SRGAP3: variants seen among roughly 807,000 people sequenced by gnomAD.
SRGAP3 encodes SLIT-ROBO Rho GTPase activating protein 3, also known as SLIT-ROBO Rho GTPase-activating protein 3.
In SRGAP3, 39 loss-of-function variants were observed where a neutral mutation model predicts 121.1. That is an observed-to-expected ratio of 0.32 (90% CI 0.25 to 0.42). The LOEUF is 0.42. SRGAP3 is among the 10% of genes least tolerant of loss of function. SRGAP3 has a pLI of 1.00. For missense variants in SRGAP3, 1,213 were observed against 1,470.6 expected, an observed-to-expected ratio of 0.82 and a Z score of 2.86; for synonymous variants, 601 against 570.0, an observed-to-expected ratio of 1.05 and a Z score of -0.77.
In SRGAP3 at chr3:9,303,055, C is replaced by A. The variant is rs559182493; in HGVS notation, n.442+22955G>T. On this transcript the variant is annotated intron_variant and non_coding_transcript_variant, in intron 3 of 3. Transcript: ENST00000490889. ...TTCTGAGCACTCTGACAAGCTGTAA[C>A]ACTGCCTCGATTTTTTCTTACTTAT... Among the ~76,000 whole-genome samples, 6 of 151,818 alleles carry A rather than the reference C, an allele frequency of 4.0e-5. No individual in the cohort carries two copies. The East Asian group carries it at 9.6e-4, about 24-fold the overall frequency.
intron 4 of SRGAP3, among the ~76,000 whole-genome samples, chr3:9,072,905 C>A (rs1946787629): frequency 6.6e-6 from 1 of 152,162 alleles, no homozygotes; most frequent in African/African-American, 2.4e-5. Flanking sequence ...TGTTCTTCAC[C>A]CCTTTCAGCT....
intron 1 of SRGAP3, among the ~76,000 whole-genome samples, chr3:9,230,223 G>GATGA: frequency 6.6e-6 from 1 of 152,330 alleles, no homozygotes; most frequent in Admixed American, 6.5e-5. Flanking sequence ...TATTACAGAT[G>GATGA]ATGACAGTGA....
chr3:9,300,753 T>C (rs1315584826), intron 3 of SRGAP3, among the ~76,000 whole-genome samples: 2 of 151,786 alleles, frequency 1.3e-5, no homozygotes, highest in African/African-American at 4.8e-5. Context: ...TGCAACAGAG[T>C]GGGAGAAGGA....
At chr3:9,267,653 A>C (rs1277110090) in intron 3 of SRGAP3, among the ~76,000 whole-genome samples, 3 of 152,124 alleles carry the variant, frequency 2.0e-5, no homozygotes, top group Admixed American at 6.6e-5. Context: ...CACCTCTGGG[A>C]ACTGCCAGTC....
intron 1 of SRGAP3, among the ~76,000 whole-genome samples, chr3:9,177,853 G>C (rs1321648107): frequency 6.6e-6 from 1 of 152,156 alleles, no homozygotes; most frequent in African/African-American, 2.4e-5. Context: ...GCATCTCCTG[G>C]CCATAGGGAT....
Position 8,981,237 on chromosome 3 carries a change from G to A in SRGAP3, c.*4282C>T, listed in dbSNP as rs374689571. The stretch of plus-strand genomic sequence containing the variant: ...AGAGGAGAGGAGACCCCAGAGAACC[G>A]GGGAAGTTGACATGAAATGTCAGCA... On this transcript the variant is annotated 3_prime_UTR_variant, in exon 22 of 22. Coordinates refer to ENST00000383836, the MANE Select transcript of SRGAP3 (RefSeq NM_014850.4). The A allele has an allele frequency of 6.1e-4, 143 of 232,724 alleles. 2 individuals carry two copies. In the East Asian group the frequency reaches 7.0e-3, roughly 11 times the overall value. 14.4% of individuals were successfully genotyped at this position (232,724 alleles called of 1,614,324 possible). A position where few individuals can be genotyped will look rare whatever the true frequency, so the allele number is the denominator to read the frequency against.
intron 1 of SRGAP3, among the ~76,000 whole-genome samples, chr3:9,185,853 C>T (rs1041208856): frequency 1.3e-5 from 2 of 151,972 alleles, no homozygotes; most frequent in Non-Finnish European, 2.9e-5. Flanking sequence ...TCTTGATGTA[C>T]GAGATTAGAG....
At chr3:9,093,516 T>C (rs1947841436) in intron 3 of SRGAP3, among the ~76,000 whole-genome samples, 1 of 152,068 alleles carries the variant, frequency 6.6e-6, no homozygotes, top group South Asian at 2.1e-4. Context: ...CATCCGTTCA[T>C]TCATCCATCC....
chr3:9,078,610 C>T (rs1437962015), intron 4 of SRGAP3, among the ~76,000 whole-genome samples: 2 of 152,102 alleles, frequency 1.3e-5, no homozygotes, highest in Non-Finnish European at 2.9e-5. Context: ...AGGATCTCCT[C>T]GAATTCTCAC....
At chr3:9,268,019 G>A (rs1229716120) in intron 3 of SRGAP3, among the ~76,000 whole-genome samples, 1 of 152,146 alleles carries the variant, frequency 6.6e-6, no homozygotes, top group Non-Finnish European at 1.5e-5. Flanking sequence ...AAGGAAGCAA[G>A]GATGGCCTCA....
chr3:9,123,395 A>C (rs71314326), intron 2 of SRGAP3, among the ~76,000 whole-genome samples: 2 of 7,824 alleles, frequency 2.6e-4, no homozygotes, highest in Non-Finnish European at 2.6e-3. Flanking sequence ...ATATACATAC[A>C]CAATACACAT....
At chr3:9,120,059 C>G (rs1418158754) in intron 2 of SRGAP3, among the ~76,000 whole-genome samples, 1 of 152,256 alleles carries the variant, frequency 6.6e-6, no homozygotes, top group African/African-American at 2.4e-5. Context: ...TTATTTCCAT[C>G]ATAGCAATCA....
intron 1 of SRGAP3, among the ~76,000 whole-genome samples, chr3:9,338,550 C>T (rs1266371073): frequency 6.6e-6 from 1 of 152,162 alleles, no homozygotes. Flanking sequence ...TTCCCATTTC[C>T]CTCAGCCAGA....
chr3:9,353,673 G>GTATTTCCC (rs1411106501), intron 1 of SRGAP3, among the ~76,000 whole-genome samples: 3 of 152,218 alleles, frequency 2.0e-5, no homozygotes, highest in Non-Finnish European at 4.4e-5. Flanking sequence ...CCCTCTAGTT[G>GTATTTCCC]TTAACACCTG....
At chr3:9,141,453 CG>C (rs1415181975) in intron 1 of SRGAP3, among the ~76,000 whole-genome samples, 1 of 123,728 alleles carries the variant, frequency 8.1e-6, no homozygotes, top group East Asian at 2.7e-4. Flanking sequence ...CTGAAAACCA[CG>C]TAAGTTATTA....
intron 21 of SRGAP3, among the ~76,000 whole-genome samples, chr3:8,987,130 A>C (rs189641329): frequency 3.9e-5 from 6 of 152,370 alleles, no homozygotes; most frequent in Admixed American, 6.5e-5. Context: ...TTTACTGTGA[A>C]TATGGGGTGA....
chr3:9,018,377 G>T (rs571351205), intron 14 of SRGAP3, among the ~76,000 whole-genome samples: 1 of 152,288 alleles, frequency 6.6e-6, no homozygotes, highest in East Asian at 1.9e-4. Flanking sequence ...ACCCAGTAGT[G>T]GGATTGCTGA....
chr3:9,064,351 T>C lies in SRGAP3; in HGVS notation c.672+45A>G, dbSNP rs201600336. On this transcript the variant is annotated intron_variant, in intron 5 of 21. Coordinates refer to ENST00000383836, the MANE Select transcript of SRGAP3 (RefSeq NM_014850.4). ...TCCGCCAAGACCATGGCCCTCCCCTTTGTGCCCTGTCCCCAATCGCTCCCA... is the reference window on the plus strand; with the variant it reads ...TCCGCCAAGACCATGGCCCTCCCCTCTGTGCCCTGTCCCCAATCGCTCCCA... 3.1e-6 allele frequency: 5 copies of C among 1,613,252 alleles called. No individual in the cohort carries two copies. In the Admixed American group the frequency reaches 5.0e-5, roughly 16 times the overall value.
chr3:9,063,915 G>A (rs1946296831), intron 5 of SRGAP3, among the ~76,000 whole-genome samples: 1 of 152,200 alleles, frequency 6.6e-6, no homozygotes, highest in African/African-American at 2.4e-5. Context: ...ATTGGCAATG[G>A]CAATTTTGGA....
Sources: allele counts gnomAD v4.1 joint callset (sites outside exome capture counted in the v4.1 genomes callset), GRCh38; gene constraint gnomAD v4.1.1; transcripts MANE v1.5; gene names NCBI Gene and HGNC (gene_info 2026-07-23, HGNC 2026-07-21).